CACNB2: variants seen among roughly 807,000 people sequenced by gnomAD.
CACNB2 encodes the protein voltage-dependent L-type calcium channel subunit beta-2.
Under a neutral mutation model 73.3 loss-of-function variants are expected in CACNB2, and 42 were observed. The ratio of observed to expected loss-of-function variants is 0.57; its 90% CI spans 0.45 to 0.74. The LOEUF is 0.74. Among genes scored for constraint, CACNB2 ranks in the 30% least tolerant of loss-of-function variants. The pLI is 0.00. For synonymous variants in CACNB2, 348 were observed against 310.3 expected, an observed-to-expected ratio of 1.12 and a Z score of -1.28; for missense variants, 940 against 853.0, an observed-to-expected ratio of 1.10 and a Z score of -1.27.
intron 2 of CACNB2, among the ~76,000 whole-genome samples, chr10:18,205,478 AT>A: frequency 6.6e-6 from 1 of 152,226 alleles, no homozygotes; most frequent in South Asian, 2.1e-4. Flanking sequence ...TACTATTTTT[AT>A]TTCCATTCAA....
chr10:18,509,372 C>T (rs1441286913), intron 6 of CACNB2, among the ~76,000 whole-genome samples: 3 of 152,178 alleles, frequency 2.0e-5, no homozygotes, highest in Admixed American at 1.3e-4. Context: ...GAAAATTTCC[C>T]ACTTGACATC....
chr10:18,290,112 C>CTTTTTTTTTTTTTTTT (rs992393946), intron 2 of CACNB2, among the ~76,000 whole-genome samples: 40 of 50,154 alleles, frequency 8.0e-4, no homozygotes, highest in Admixed American at 9.7e-4. Context: ...TTTTCTTTTT[C>CTTTTTTTTTTTTTTTT]TTTTTTTTTT....
chr10:18,209,206 G>A (rs909284049), intron 2 of CACNB2, among the ~76,000 whole-genome samples: 20 of 152,246 alleles, frequency 1.3e-4, no homozygotes, highest in African/African-American at 4.8e-4. Flanking sequence ...GAAAAATGTG[G>A]CTTAATTTTT....
chr10:18,240,716 C>T (rs543514953), intron 2 of CACNB2, among the ~76,000 whole-genome samples: 36 of 152,258 alleles, frequency 2.4e-4, no homozygotes, highest in Non-Finnish European at 2.2e-4. Flanking sequence ...TCCTCTCCCT[C>T]GGATGCAGAA....
At chr10:18,253,253 A>G (rs903442681) in intron 2 of CACNB2, among the ~76,000 whole-genome samples, 5 of 152,210 alleles carry the variant, frequency 3.3e-5, no homozygotes, top group Non-Finnish European at 5.9e-5. Context: ...AAAAAGTTGC[A>G]AACAGTCCAT....
intron 10 of CACNB2, among the ~76,000 whole-genome samples, chr10:18,529,253 C>CAACT (rs1162949905): frequency 6.6e-6 from 1 of 152,032 alleles, no homozygotes; most frequent in Non-Finnish European, 1.5e-5. Flanking sequence ...ATTTTTTTTA[C>CAACT]AACTACTGAT....
At chr10:18,511,039 A>G (rs1269815247) in intron 6 of CACNB2, among the ~76,000 whole-genome samples, 1 of 152,226 alleles carries the variant, frequency 6.6e-6, no homozygotes, top group African/African-American at 2.4e-5. Flanking sequence ...TTCCTATATG[A>G]GCAAAGGATT....
At chr10:18,502,689 CAAAAAAAAAAAAAAAAAAAAAAA>C (rs71200974) in intron 5 of CACNB2, among the ~76,000 whole-genome samples, 1 of 73,256 alleles carries the variant, frequency 1.4e-5, no homozygotes, top group African/African-American at 5.7e-5. Flanking sequence ...GACTCCATCT[CAAAAAAAAAAAAAAAAAAAAAAA>C]AAAAAAAAAA....
intron 2 of CACNB2, among the ~76,000 whole-genome samples, chr10:18,205,444 G>A (rs2035051065): frequency 1.3e-5 from 2 of 152,124 alleles, no homozygotes; most frequent in African/African-American, 2.4e-5. Flanking sequence ...CTAGTTTGTT[G>A]AACAGTCAAA....
chr10:18,492,449 C>T (rs944466091), intron 3 of CACNB2, among the ~76,000 whole-genome samples: 3 of 151,866 alleles, frequency 2.0e-5, no homozygotes, highest in African/African-American at 4.8e-5. Context: ...GGCAAAACCC[C>T]GTCTCTACTA....
intron 3 of CACNB2, among the ~76,000 whole-genome samples, chr10:18,455,800 A>G (rs949492234): frequency 6.6e-6 from 1 of 152,212 alleles, no homozygotes; most frequent in Non-Finnish European, 1.5e-5. Flanking sequence ...TAACCCAGCA[A>G]AAGTGGTGGG....
chr10:18,232,184 G>A (rs1186344472), intron 2 of CACNB2, among the ~76,000 whole-genome samples: 1 of 152,120 alleles, frequency 6.6e-6, no homozygotes, highest in Non-Finnish European at 1.5e-5. Context: ...TTTGCCTTAA[G>A]GAAAGAAGAT....
rs564813273 is a variant in CACNB2, at chr10:18,317,312, C to T, written c.214-84612C>T. Among the ~76,000 whole-genome samples, 13 of 151,756 alleles carry T rather than the reference C, an allele frequency of 8.6e-5. No individual in the cohort carries two copies. The South Asian group carries it at 1.0e-3, about 12-fold the overall frequency. ...TTTGTTACATGGGTATACTGTATGA[C>T]GCTGAGGTTTGGGCTTCTAAAGATC... is the stretch of plus-strand genomic sequence containing the variant. On this transcript the variant is annotated intron_variant, in intron 2 of 13. Coordinates refer to ENST00000324631, the MANE Select transcript of CACNB2 (RefSeq NM_201596.3).
intron 3 of CACNB2, among the ~76,000 whole-genome samples, chr10:18,466,946 G>GGAGCTGAGAGC (rs1165581180): frequency 1.3e-5 from 2 of 152,166 alleles, no homozygotes; most frequent in Admixed American, 6.5e-5. Flanking sequence ...CTTGAGGTCA[G>GGAGCTGAGAGC]GAGCTGAGAG....
At position 18,450,064 on chromosome 10, in the gene CACNB2, T is replaced by G. The variant is rs189513441; in HGVS notation, c.333+48021T>G. Among the ~76,000 whole-genome samples the G allele has an allele frequency of 9.2e-4, 140 of 152,372 alleles. 1 individual carries two copies. The highest frequency in any genetic ancestry group is 1.7e-3 in the Non-Finnish European group (118 of 68,038). ...TCTTCAGTGGAAAAGTTCTGCTGTT[T>G]CCTCTGTATATCCCTTGGGTCTGTA... On this transcript the variant is annotated intron_variant, in intron 3 of 13. Transcript: ENST00000324631.
At chr10:18,384,170 C>T (rs1002879790) in intron 2 of CACNB2, among the ~76,000 whole-genome samples, 1 of 152,102 alleles carries the variant, frequency 6.6e-6, no homozygotes, top group African/African-American at 2.4e-5. Context: ...ACTGAGACTC[C>T]CGAAGATCAA....
At chr10:18,391,855 G>A (rs910486050) in intron 2 of CACNB2, among the ~76,000 whole-genome samples, 28 of 144,144 alleles carry the variant, frequency 1.9e-4, no homozygotes, top group African/African-American at 6.9e-4. Flanking sequence ...TTGAGCTCAG[G>A]AGACAGAGGT....
At chr10:18,499,852 C>A (rs1252038041) in intron 4 of CACNB2, among the ~76,000 whole-genome samples, 2 of 151,182 alleles carry the variant, frequency 1.3e-5, no homozygotes, top group Non-Finnish European at 2.9e-5. Context: ...TAGCATACAC[C>A]GGTAGTCCTA....
intron 2 of CACNB2, among the ~76,000 whole-genome samples, chr10:18,336,235 G>A (rs191493922): frequency 3.7e-4 from 57 of 152,308 alleles, no homozygotes; most frequent in Non-Finnish European, 3.4e-4. Context: ...AAAGGTTTAA[G>A]TATTTATAGT....
Sources: allele counts gnomAD v4.1 joint callset (sites outside exome capture counted in the v4.1 genomes callset), GRCh38; gene constraint gnomAD v4.1.1; transcripts MANE v1.5; gene names NCBI Gene and HGNC (gene_info 2026-07-23, HGNC 2026-07-21).